ADAMTS3: variants seen among roughly 807,000 people sequenced by gnomAD.
ADAMTS3 encodes the protein ADAM metallopeptidase with thrombospondin type 1 motif 3, also known as A disintegrin and metalloproteinase with thrombospondin motifs 3.
ADAMTS3 carries 73 observed loss-of-function variants against 129.0 expected under a neutral mutation model. That is an observed-to-expected ratio of 0.57 (90% CI 0.47 to 0.69). The LOEUF (loss-of-function observed/expected upper bound fraction) is 0.69. ADAMTS3 is among the 30% of genes least tolerant of loss of function. The pLI is 0.00. For synonymous variants in ADAMTS3, 477 were observed against 510.8 expected (o/e 0.93, Z 0.89); for missense variants, 1,457 against 1,514.5 (o/e 0.96, Z 0.63).
chr4:72,319,346 C>A lies in ADAMTS3; in HGVS notation c.1338G>T (p.Leu446=). 6.2e-7 allele frequency: 1 copy of A among 1,613,838 alleles called. No homozygotes were observed. The highest frequency in any genetic ancestry group is 8.5e-7 in the Non-Finnish European group (1 of 1,179,890). Residue 446 remains leucine, a synonymous_variant, in exon 9 of 22, where the codon CTG becomes CTT. Coordinates refer to ENST00000286657, the MANE Select transcript of ADAMTS3 (RefSeq NM_014243.3). ...YHWSRCSGQE[L]KRYIHSYDCL... ...AGGGGACATACTGGATATATCTTTT[C>A]AGTTCTTGACCACTGCATCGGGACC...
At chr4:72,298,246 T>G (rs776751434) in intron 18 of ADAMTS3, 31 bp downstream of exon 18, 2 of 1,586,294 alleles carry the variant, frequency 1.3e-6, no homozygotes, top group Non-Finnish European at 1.7e-6. Context: ...ATGCATTACA[T>G]TTTAATATAA....
rs146389309 is a variant in ADAMTS3 at position 72,334,676 on chromosome 4, A to G, written c.861+4818T>C. On this transcript the variant is annotated intron_variant, in intron 5 of 21. Coordinates refer to ENST00000286657, the MANE Select transcript of ADAMTS3 (RefSeq NM_014243.3). The stretch of plus-strand genomic sequence containing the variant: ...TGGCAGACGATGGGTCAGTATTTAT[A>G]GTATGAGACATGCCCCAGAGCTGAG... 8.4e-3 allele frequency among the ~76,000 whole-genome samples: 1,276 copies of G among 152,296 alleles called. 8 individuals are homozygous for G. The highest frequency in any genetic ancestry group is 0.015 in the Admixed American group (224 of 15,300).
At chr4:72,490,199 A>C (rs1719703438) in intron 3 of ADAMTS3, among the ~76,000 whole-genome samples, 1 of 151,788 alleles carries the variant, frequency 6.6e-6, no homozygotes, top group African/African-American at 2.4e-5. Flanking sequence ...CCATTTTTCA[A>C]ATAGATTGTT....
intron 3 of ADAMTS3, among the ~76,000 whole-genome samples, chr4:72,530,759 TTATATAG>T (rs1241350524): frequency 1.9e-3 from 8 of 4,294 alleles, no homozygotes; most frequent in East Asian, 0.014. Flanking sequence ...ATATTATATA[TTATATAG>T]ATTATATATA....
chr4:72,307,119 T>A (rs1435985315), intron 15 of ADAMTS3, among the ~76,000 whole-genome samples: 2 of 152,164 alleles, frequency 1.3e-5, no homozygotes, highest in East Asian at 3.9e-4. Flanking sequence ...CAATTATTGA[T>A]GAAATAAGAA....
chr4:72,474,792 C>T (rs986555467), intron 3 of ADAMTS3, among the ~76,000 whole-genome samples: 5 of 151,820 alleles, frequency 3.3e-5, no homozygotes, highest in Admixed American at 1.3e-4. Flanking sequence ...TTTGGGAGGC[C>T]GAGGCGGGTG....
chr4:72,460,446 C>T (rs184931931), intron 3 of ADAMTS3, among the ~76,000 whole-genome samples: 14 of 151,390 alleles, frequency 9.2e-5, no homozygotes, highest in Admixed American at 7.3e-4. Context: ...AGACACCCCA[C>T]CTGAAATATG....
chr4:72,414,545 T>C (rs1398098008), intron 4 of ADAMTS3, among the ~76,000 whole-genome samples: 2 of 151,954 alleles, frequency 1.3e-5, no homozygotes, highest in South Asian at 2.1e-4. Flanking sequence ...AATTTTAACA[T>C]AAGCTAGAGA....
intron 5 of ADAMTS3, among the ~76,000 whole-genome samples, chr4:72,334,948 A>G (rs958346018): frequency 2.6e-5 from 4 of 152,166 alleles, no homozygotes; most frequent in African/African-American, 9.6e-5. Flanking sequence ...ACATCTGATT[A>G]TTCTCCCCAT....
intron 3 of ADAMTS3, among the ~76,000 whole-genome samples, chr4:72,435,357 GA>G (rs367748355): frequency 5.0e-4 from 74 of 149,454 alleles, no homozygotes; most frequent in African/African-American, 1.7e-3. Context: ...AAGCAAATGT[GA>G]AAAAAAAATC....
intron 4 of ADAMTS3, among the ~76,000 whole-genome samples, chr4:72,394,396 G>A (rs554809107): frequency 1.6e-4 from 24 of 152,078 alleles, no homozygotes; most frequent in Admixed American, 1.1e-3. Context: ...CCCAAAGCTC[G>A]CCATGACTCA....
chr4:72,463,633 G>A (rs1425579891), intron 3 of ADAMTS3, among the ~76,000 whole-genome samples: 1 of 148,354 alleles, frequency 6.7e-6, no homozygotes, highest in East Asian at 2.0e-4. Context: ...ATAATGGTGG[G>A]ATTTAGTTGA....
intron 3 of ADAMTS3, among the ~76,000 whole-genome samples, chr4:72,519,869 C>A (rs1184503306): frequency 6.6e-6 from 1 of 152,212 alleles, no homozygotes; most frequent in African/African-American, 2.4e-5. Context: ...AGCTTTGTTC[C>A]ATTGCTGGTG....
rs377724485 is a variant in ADAMTS3 at position 72,386,470 on chromosome 4, C to A, written c.661+28345G>T. Among the ~76,000 whole-genome samples the A allele has an allele frequency of 8.3e-4, 127 of 152,138 alleles. 1 individual carries two copies. The highest frequency in any genetic ancestry group is 2.9e-3 in the African/African-American group (121 of 41,556). ...AAAGCAAGGAATCTGTGTTCCTTCT[C>A]TCTCTTTTTTTTAAAGTAACTATAC... On this transcript the variant is annotated intron_variant, in intron 4 of 21. Coordinates refer to ENST00000286657, the MANE Select transcript of ADAMTS3 (RefSeq NM_014243.3).
intron 3 of ADAMTS3, among the ~76,000 whole-genome samples, chr4:72,457,986 C>A (rs1304219770): frequency 6.7e-6 from 1 of 149,176 alleles, no homozygotes; most frequent in Non-Finnish European, 1.5e-5. Flanking sequence ...GGACAGACAG[C>A]CCCTGGCACT....
At chr4:72,500,452 T>G (rs1000962093) in intron 3 of ADAMTS3, among the ~76,000 whole-genome samples, 1 of 152,194 alleles carries the variant, frequency 6.6e-6, no homozygotes. Context: ...TTGCCCATTT[T>G]TAAGTGGAGT....
chr4:72,444,629 G>A (rs531424100), intron 3 of ADAMTS3, among the ~76,000 whole-genome samples: 1 of 151,810 alleles, frequency 6.6e-6, no homozygotes, highest in African/African-American at 2.4e-5. Flanking sequence ...AGTAAACAAA[G>A]TCTTACACAT....
intron 15 of ADAMTS3, among the ~76,000 whole-genome samples, chr4:72,307,346 C>T (rs1719114064): frequency 6.6e-6 from 1 of 151,944 alleles, no homozygotes; most frequent in African/African-American, 2.4e-5. Flanking sequence ...GCTTAAGATG[C>T]CAAGTACAGC....
intron 4 of ADAMTS3, among the ~76,000 whole-genome samples, chr4:72,377,847 C>T (rs1386291599): frequency 2.0e-5 from 3 of 152,158 alleles, no homozygotes; most frequent in African/African-American, 7.2e-5. Context: ...AATTTCTTAG[C>T]TCCAAAACTG....
Sources: allele counts gnomAD v4.1 joint callset (sites outside exome capture counted in the v4.1 genomes callset), GRCh38; gene constraint gnomAD v4.1.1; transcripts MANE v1.5; gene names NCBI Gene and HGNC (gene_info 2026-07-23, HGNC 2026-07-21).